The following ASCC3 variants were observed in gnomAD, a reference collection of about 807,000 sequenced individuals.
ASCC3 encodes the protein ASC-1 complex subunit P200.
Under a neutral mutation model 256.3 loss-of-function variants are expected in ASCC3, and 158 were observed. That is an observed-to-expected ratio of 0.62 (90% CI 0.54 to 0.70). ASCC3 has a LOEUF of 0.70. Among genes scored for constraint, ASCC3 ranks in the 30% least tolerant of loss-of-function variants. The pLI, the probability that ASCC3 is intolerant of heterozygous loss-of-function variation, is 0.00. For synonymous variants in ASCC3, 948 were observed against 883.4 expected (o/e 1.07, Z -1.30); for missense variants, 2,259 against 2,626.0 (o/e 0.86, Z 3.05).
At chr6:100,847,482 C>T (rs1265927601) in intron 4 of ASCC3, among the ~76,000 whole-genome samples, 1 of 152,058 alleles carries the variant, frequency 6.6e-6, no homozygotes, top group African/African-American at 2.4e-5. Flanking sequence ...AGCTAATTCT[C>T]TAAATTAATT....
intron 17 of ASCC3, among the ~76,000 whole-genome samples, chr6:100,654,337 T>C (rs1775818743): frequency 6.6e-6 from 1 of 150,826 alleles, no homozygotes; most frequent in South Asian, 2.1e-4. Context: ...TTTTCTGACG[T>C]ATAAAGGTAC....
chr6:100,788,661 G>C (rs1288910644), intron 8 of ASCC3, among the ~76,000 whole-genome samples: 2 of 151,808 alleles, frequency 1.3e-5, no homozygotes, highest in African/African-American at 4.8e-5. Context: ...CAATATGGAT[G>C]AATGTCTAAT....
intron 13 of ASCC3, among the ~76,000 whole-genome samples, chr6:100,703,394 T>A (rs183253200): frequency 6.6e-6 from 1 of 152,112 alleles, no homozygotes; most frequent in African/African-American, 2.4e-5. Flanking sequence ...AAGTAACTTA[T>A]TATCAGAGAG....
intron 4 of ASCC3, among the ~76,000 whole-genome samples, chr6:100,843,286 A>G (rs1488591411): frequency 6.6e-6 from 1 of 152,070 alleles, no homozygotes; most frequent in Non-Finnish European, 1.5e-5. Flanking sequence ...TAACCAAATA[A>G]CTCACACTGC....
intron 33 of ASCC3, 36 bp downstream of exon 33, chr6:100,605,532 A>C: frequency 7.1e-7 from 1 of 1,406,798 alleles, no homozygotes; most frequent in Non-Finnish European, 1.0e-6. Flanking sequence ...CTTGTGATTA[A>C]ATAAATCCAT....
chr6:100,575,615 G>A (rs1232158566), intron 36 of ASCC3, among the ~76,000 whole-genome samples: 1 of 151,868 alleles, frequency 6.6e-6, no homozygotes, highest in Non-Finnish European at 1.5e-5. Flanking sequence ...CAATATCCAA[G>A]CTTGTGTGAA....
intron 11 of ASCC3, among the ~76,000 whole-genome samples, chr6:100,723,644 T>C (rs1358273866): frequency 6.6e-6 from 1 of 151,030 alleles, no homozygotes; most frequent in African/African-American, 2.4e-5. Context: ...GATATCTAAT[T>C]AGATATTGGG....
At position 100,867,892 on chromosome 6, in the gene ASCC3, C is replaced by T. The variant is rs758468954; in HGVS notation, c.90+16G>A. ...TTTATAATAATGTTCAACATTTCTA[C>T]CTTTAACAAATCTACCTTTAAGTCA... On this transcript the variant is annotated intron_variant, in intron 2 of 41. Transcript: ENST00000369162. The T allele has an allele frequency of 6.3e-7, 1 of 1,578,788 alleles. No homozygotes were observed. The highest frequency in any genetic ancestry group is 8.7e-7 in the Non-Finnish European group (1 of 1,148,564).
chr6:100,742,694 T>G (rs1229397933), intron 10 of ASCC3, among the ~76,000 whole-genome samples: 3 of 152,178 alleles, frequency 2.0e-5, no homozygotes, highest in African/African-American at 7.2e-5. Context: ...CCTTTCTTCA[T>G]CTAGACCATT....
At chr6:100,598,099 G>T (rs567416286) in intron 34 of ASCC3, among the ~76,000 whole-genome samples, 30 of 152,208 alleles carry the variant, frequency 2.0e-4, no homozygotes, top group Admixed American at 9.2e-4. Context: ...GCTGAGGAGG[G>T]TACTGCAGGC....
At chr6:100,604,225 CTAT>C (rs1024752165) in intron 33 of ASCC3, among the ~76,000 whole-genome samples, 1 of 151,814 alleles carries the variant, frequency 6.6e-6, no homozygotes, top group African/African-American at 2.4e-5. Context: ...TGTTAATATC[CTAT>C]TATTATTCCA....
At chr6:100,616,992 CGTTGTTGTTGTTGTT>C (rs141000454) in intron 30 of ASCC3, among the ~76,000 whole-genome samples, 5 of 151,206 alleles carry the variant, frequency 3.3e-5, no homozygotes, top group South Asian at 4.2e-4. Flanking sequence ...TTGTTGTTGT[CGTTGTTGTTGTTGTT>C]GTTGTTGTTG....
At position 100,864,148 on chromosome 6, in the gene ASCC3, A is replaced by G; in HGVS notation, c.157T>C (p.Phe53Leu). The G allele has an allele frequency of 1.2e-6, 2 of 1,608,710 alleles. No individual in the cohort carries two copies. The highest frequency in any genetic ancestry group is 1.7e-6 in the Non-Finnish European group (2 of 1,176,848). ...LGLTWKKIIKFLNEKLEKSKM... is the reference protein window; with the variant it reads ...LGLTWKKIIKLLNEKLEKSKM... ...CTCTTCTCCAGTTTTTCATTCAAAA[A>G]TTTTATTATCTTCTTCCATGTCAGG... Residue 53 changes from phenylalanine (F) to leucine (L), a missense_variant, in exon 3 of 42, where the codon TTT becomes CTT. Physicochemically the swap from Phe to Leu is conservative, Grantham distance 22. Coordinates refer to ENST00000369162, the MANE Select transcript of ASCC3 (RefSeq NM_006828.4).
rs991948701 is a variant in ASCC3, at chr6:100,586,004, C to T, written c.5550+3630G>A. On this transcript the variant is annotated intron_variant, in intron 36 of 41. Coordinates refer to ENST00000369162, the MANE Select transcript of ASCC3 (RefSeq NM_006828.4). ...AGTCTGCTCCTACTGGGGGGTGCCT[C>T]CCAGTTAGGCTGCTCGGGGGTCAGG... is the stretch of plus-strand genomic sequence containing the variant. Among the ~76,000 whole-genome samples the T allele has an allele frequency of 5.3e-5, 8 of 152,288 alleles. 1 individual carries two copies. The highest frequency in any genetic ancestry group is 5.2e-4 in the Admixed American group (8 of 15,306).
intron 24 of ASCC3, among the ~76,000 whole-genome samples, chr6:100,642,000 C>G (rs140772106): frequency 7.3e-6 from 1 of 136,716 alleles, no homozygotes; most frequent in Admixed American, 8.0e-5. Flanking sequence ...ACATCACACA[C>G]CGCGGCCTGT....
chr6:100,600,801 G>T (rs1772570403), intron 34 of ASCC3, among the ~76,000 whole-genome samples: 1 of 151,900 alleles, frequency 6.6e-6, no homozygotes, highest in Admixed American at 6.6e-5. Flanking sequence ...TGCTGTAATG[G>T]TCTTTCCATC....
At chr6:100,581,457 A>G (rs974780499) in intron 36 of ASCC3, among the ~76,000 whole-genome samples, 60 of 152,146 alleles carry the variant, frequency 3.9e-4, no homozygotes, top group African/African-American at 1.4e-3. Context: ...AAATTTGTTT[A>G]AGTTCATTGT....
At chr6:100,510,129 A>G (rs1221217115) in intron 40 of ASCC3, 22 bp from the exon 41 acceptor site, 2 of 1,613,788 alleles carry the variant, frequency 1.2e-6, no homozygotes, top group East Asian at 2.2e-5. Context: ...AAAAAAAGAT[A>G]CAACATTAAA....
chr6:100,532,408 T>A (rs2157340), intron 37 of ASCC3, among the ~76,000 whole-genome samples: 1,812 of 36,862 alleles, frequency 0.049, 12 homozygotes, highest in African/African-American at 0.08. Flanking sequence ...ATATATATAT[T>A]TTTTTTTTTT....
Sources: gnomAD v4.1 joint callset for allele counts (sites outside exome capture counted in the v4.1 genomes callset) on GRCh38, gnomAD v4.1.1 for gene constraint, MANE v1.5 for transcripts, NCBI Gene and HGNC (gene_info 2026-07-23, HGNC 2026-07-21) for gene names.